Variants in TRIM3 observed in about 807,000 individuals in gnomAD.
The protein encoded by TRIM3 is tripartite motif-containing protein 3.
In TRIM3, 13 loss-of-function variants were observed where a neutral mutation model predicts 66.6. That is an observed-to-expected ratio of 0.20 (90% CI 0.13 to 0.31). The LOEUF is 0.31. TRIM3 is among the 10% of genes least tolerant of loss of function. The probability of loss-of-function intolerance (pLI) is 1.00; values close to 1 mark genes in which losing one functional copy is unlikely to be tolerated. For missense variants in TRIM3, 711 were observed against 1,020.4 expected, an observed-to-expected ratio of 0.70 and a Z score of 4.13; for synonymous variants, 406 against 411.7, an observed-to-expected ratio of 0.99 and a Z score of 0.17.
chr11:6,458,295 A>G lies in TRIM3; in HGVS notation c.133T>C (p.Cys45Arg). 6.2e-7 allele frequency: 1 copy of G among 1,611,778 alleles called. No individual in the cohort carries two copies. Among genetic ancestry groups the G allele is most frequent in the Non-Finnish European group, 8.5e-7 (1 of 1,178,140 alleles). The part of the protein sequence containing the change: ...LPCLHTFCER[C>R]LQNYIPAQSL... ...TGGGCAGGGATATAGTTTTGGAGAC[A>G]TCTGTCCAGGAAGGAGAGTCAAAGA... The change falls in exon 3 of 12, where the codon TGT becomes CGT. Residue 45 changes from cysteine (C) to arginine (R), a missense_variant and splice_region_variant. Coordinates refer to ENST00000345851, the MANE Select transcript of TRIM3 (RefSeq NM_033278.4). This position sits in a 1 kb window ranked among gnomAD's most constrained non-coding sequence, Gnocchi z 6.2.
Position 6,451,035 on chromosome 11 carries a change from A to G in TRIM3, c.1727T>C (p.Met576Thr), listed in dbSNP as rs771706428. ...GTCTACGGCCACTCCCTTGGGGCCC[A>G]TGAGGCGGCCAGCTCCAATCTTGGT... ...FKTKIGAGRL[M>T]GPKGVAVDRN... The change falls in exon 9 of 12, where the codon ATG (methionine) becomes ACG (threonine). Residue 576 changes from methionine to threonine, a missense_variant. Coordinates refer to ENST00000345851, the MANE Select transcript of TRIM3 (RefSeq NM_033278.4). 2 of 1,614,200 alleles carry G rather than the reference A, an allele frequency of 1.2e-6. No individual in the cohort carries two copies. Among genetic ancestry groups the G allele is most frequent in the Middle Eastern group, 1.6e-4 (1 of 6,062 alleles).
chr11:6,456,594 C>G lies in TRIM3; in HGVS notation c.1132G>C (p.Val378Leu). The change falls in exon 6 of 12, where the codon GTG becomes CTG. Residue 378 changes from valine (V) to leucine (L), a missense_variant. Val to Leu is a conservative substitution (Grantham distance 32). Coordinates refer to ENST00000345851, the MANE Select transcript of TRIM3 (RefSeq NM_033278.4). This position sits in a 1 kb window ranked among gnomAD's most constrained non-coding sequence, Gnocchi z 6.4. Reference protein sequence around the residue: ...GPDGTRLPVPVVDHKNGTYEL... With the variant: ...GPDGTRLPVPLVDHKNGTYEL... ...TATGTGCCATTCTTGTGGTCCACCA[C>G]TGGCACCGGAAGGCGCGTGCCGTCC... The G allele has an allele frequency of 6.2e-7, 1 of 1,613,000 alleles. No individual in the cohort carries two copies. The highest frequency in any genetic ancestry group is 8.5e-7 in the Non-Finnish European group (1 of 1,179,862).
Position 6,450,904 on chromosome 11 carries a change from G to C in TRIM3, c.1858C>G (p.Arg620Gly). The stretch of plus-strand genomic sequence containing the variant: ...TGTCCCCCTATACCTGCAAAGTGGC[G>C]GTCAGTGGCCCCACGGCCCCCAAAA... ...GRFGGRGATDRHFAGPHFVAV... is the reference protein window; with the variant it reads ...GRFGGRGATDGHFAGPHFVAV... The change falls in exon 9 of 12, where the codon CGC becomes GGC. Residue 620 changes from arginine (R) to glycine (G), a missense_variant. Transcript: ENST00000345851. The surrounding 1 kb of genome is among the most constrained non-coding windows in gnomAD (Gnocchi z 4.8). 1.2e-6 allele frequency: 2 copies of C among 1,614,124 alleles called. No homozygotes were observed. Among genetic ancestry groups the C allele is most frequent in the Non-Finnish European group, 1.7e-6 (2 of 1,180,014 alleles).
At position 6,449,004 on chromosome 11, in the gene TRIM3, A is replaced by T; in HGVS notation, c.*24T>A. 1 of 1,611,432 alleles carries T rather than the reference A, an allele frequency of 6.2e-7. No individual in the cohort carries two copies. Among genetic ancestry groups the T allele is most frequent in the Non-Finnish European group, 8.5e-7 (1 of 1,177,744 alleles). ...ATCACCCCAATGTCTGTCCCTCCACAAGCCAGGCAGGGCCTCTGTACAGCT... is the reference window on the plus strand; with the variant it reads ...ATCACCCCAATGTCTGTCCCTCCACTAGCCAGGCAGGGCCTCTGTACAGCT... On this transcript the variant is annotated 3_prime_UTR_variant, in exon 12 of 12. Coordinates refer to ENST00000345851, the MANE Select transcript of TRIM3 (RefSeq NM_033278.4). The surrounding 1 kb of genome is among the most constrained non-coding windows in gnomAD (Gnocchi z 5.3).
rs1269998779 is a variant in TRIM3, at chr11:6,448,802, A to T, written c.*226T>A. On this transcript the variant is annotated 3_prime_UTR_variant, in exon 12 of 12. Transcript: ENST00000345851. ...TAAGAAGGGTAGGGTGAAGCTCTGC[A>T]CACATCCTTGGGACCACAGTCCAGG... The T allele has an allele frequency of 3.2e-6, 2 of 622,132 alleles. No homozygotes were observed. Among genetic ancestry groups the T allele is most frequent in the Non-Finnish European group, 5.7e-6 (2 of 350,028 alleles). The allele number at this position is 622,132 out of a possible 1,614,324, so 38.5% of individuals were successfully genotyped here.
At chr11:6,466,588 G>A (rs1424839668) in intron 1 of TRIM3, among the ~76,000 whole-genome samples, 3 of 135,316 alleles carry the variant, frequency 2.2e-5, no homozygotes, top group Non-Finnish European at 4.7e-5. Context: ...AATCATTCCT[G>A]CTGGGTTTTT....
chr11:6,453,186 C>T (rs1290896615), intron 7 of TRIM3: 1 of 152,158 alleles, frequency 6.6e-6, no homozygotes, highest in African/African-American at 2.4e-5. Flanking sequence ...GAATGAACTC[C>T]CCAGCTCAAT....
chr11:6,465,742 G>A lies in TRIM3; in HGVS notation c.-37-10C>T, dbSNP rs1428779462. 2 of 1,611,304 alleles carry A rather than the reference G, an allele frequency of 1.2e-6. No homozygotes were observed. Among genetic ancestry groups the A allele is most frequent in the East Asian group, 2.2e-5 (1 of 44,844 alleles). ...CCACTCACACCAGCCTCTGTATGGAGAGATGGTCAGCACCAGGGAGTCCAG... is the reference window on the plus strand; with the variant it reads ...CCACTCACACCAGCCTCTGTATGGAAAGATGGTCAGCACCAGGGAGTCCAG... On this transcript the variant is annotated splice_polypyrimidine_tract_variant and intron_variant, in intron 1 of 11. Transcript: ENST00000345851.
At chr11:6,469,740 A>G (rs1850609179) in intron 1 of TRIM3, among the ~76,000 whole-genome samples, 1 of 152,196 alleles carries the variant, frequency 6.6e-6, no homozygotes, top group Non-Finnish European at 1.5e-5. Context: ...ACTGCAATGT[A>G]AAGTGGTGAA....
At chr11:6,453,867 G>A (rs1487459084) in intron 7 of TRIM3, among the ~76,000 whole-genome samples, 2 of 152,208 alleles carry the variant, frequency 1.3e-5, no homozygotes, top group Admixed American at 6.5e-5. Flanking sequence ...GAGGAGGAGG[G>A]GGATCAGACC....
intron 8 of TRIM3, 33 bp downstream of exon 8, chr11:6,451,238 C>A (rs779694463): frequency 6.2e-7 from 1 of 1,613,160 alleles, no homozygotes; most frequent in African/African-American, 1.3e-5. Context: ...CAGCTGGACA[C>A]CAGGGTAAGT....
intron 1 of TRIM3, among the ~76,000 whole-genome samples, chr11:6,471,230 G>A (rs1402347644): frequency 3.9e-5 from 6 of 152,234 alleles, no homozygotes; most frequent in Non-Finnish European, 5.9e-5. Context: ...GTTGTGAATG[G>A]AGGTAACCAA....
At position 6,448,784 on chromosome 11, in the gene TRIM3, G is replaced by A. The variant is rs1326662823; in HGVS notation, c.*244C>T. The A allele has an allele frequency of 1.6e-6, 1 of 614,214 alleles. No individual in the cohort carries two copies. The highest frequency in any genetic ancestry group is 2.9e-5 in the Admixed American group (1 of 34,682). 38.0% of individuals were successfully genotyped at this position (614,214 alleles called of 1,614,324 possible). On this transcript the variant is annotated 3_prime_UTR_variant, in exon 12 of 12. Transcript: ENST00000345851. Reference sequence around the variant, plus strand: ...CAGGGGTGGGGAGGTGTGTAAGAAGGGTAGGGTGAAGCTCTGCACACATCC... The same window carrying A: ...CAGGGGTGGGGAGGTGTGTAAGAAGAGTAGGGTGAAGCTCTGCACACATCC...
rs370343478 is a variant in TRIM3 at position 6,457,473 on chromosome 11, C to T, written c.519G>A (p.Leu173=). The T allele has an allele frequency of 3.1e-6, 5 of 1,612,194 alleles. No individual in the cohort carries two copies. The highest frequency in any genetic ancestry group is 1.3e-5 in the African/African-American group (1 of 74,994). ...AGGCAATTGCTGCGGACAGCTGTGG[C>T]AATCTGGAGGGGGAATATCTCATTC... ...QRQLEAVRGR[L]PQLSAAIALV... is the part of the protein sequence containing the mutation. The change falls in exon 5 of 12, where the codon TTG becomes TTA. Residue 173 remains leucine, a synonymous_variant. Coordinates refer to ENST00000345851, the MANE Select transcript of TRIM3 (RefSeq NM_033278.4). The surrounding 1 kb of genome is among the most constrained non-coding windows in gnomAD (Gnocchi z 4.5).
At chr11:6,464,760 G>A (rs971881430) in intron 2 of TRIM3, among the ~76,000 whole-genome samples, 27 of 152,154 alleles carry the variant, frequency 1.8e-4, no homozygotes, top group African/African-American at 6.3e-4. Context: ...GCCGAGGTAG[G>A]CGGATTGCCT....
chr11:6,474,019 C>G (rs1254506752), upstream of TRIM3: 1 of 150,704 alleles, frequency 6.6e-6, no homozygotes, highest in Non-Finnish European at 1.5e-5. Flanking sequence ...CCCACCCACG[C>G]CCCGCCCGCC....
intron 1 of TRIM3, among the ~76,000 whole-genome samples, chr11:6,470,361 G>C (rs778199589): frequency 1.3e-4 from 20 of 152,330 alleles, no homozygotes; most frequent in Non-Finnish European, 2.5e-4. Context: ...GTTTGGATGA[G>C]AGGGTGATAA....
At chr11:6,467,222 G>C (rs143814557) in intron 1 of TRIM3, among the ~76,000 whole-genome samples, 1 of 152,282 alleles carries the variant, frequency 6.6e-6, no homozygotes, top group African/African-American at 2.4e-5. Flanking sequence ...GGCTCTCCAA[G>C]GAGGTAACTT....
chr11:6,451,584 T>G (rs879736598), intron 7 of TRIM3, 146 bp from the exon 8 acceptor site: 1 of 813,010 alleles, frequency 1.2e-6, no homozygotes, highest in Non-Finnish European at 1.9e-6. Context: ...AAATCAAACA[T>G]GGCAGCAGGT....
Sources: allele counts gnomAD v4.1 joint callset (sites outside exome capture counted in the v4.1 genomes callset), GRCh38; gene constraint gnomAD v4.1.1; non-coding constraint Gnocchi (gnomAD v3.1); transcripts MANE v1.5; gene names NCBI Gene and HGNC (gene_info 2026-07-23, HGNC 2026-07-21).